DNAJC7: variants seen among roughly 807,000 people sequenced by gnomAD.
DNAJC7 encodes DnaJ heat shock protein family (Hsp40) member C7.
In DNAJC7, 18 loss-of-function variants were observed where a neutral mutation model predicts 67.4. That is an observed-to-expected ratio of 0.27 (90% CI 0.18 to 0.40). DNAJC7 has a LOEUF of 0.40. Ranked by LOEUF, DNAJC7 falls within the 10% of genes least tolerant of loss-of-function variation. DNAJC7 has a pLI of 1.00. For missense variants in DNAJC7, 419 were observed against 613.8 expected, an observed-to-expected ratio of 0.68 and a Z score of 3.35; for synonymous variants, 220 against 207.8, an observed-to-expected ratio of 1.06 and a Z score of -0.50.
At chr17:41,989,960 G>A (rs2051471898) in intron 6 of DNAJC7, among the ~76,000 whole-genome samples, 1 of 152,192 alleles carries the variant, frequency 6.6e-6, no homozygotes, top group Non-Finnish European at 1.5e-5. Flanking sequence ...GCTAAAATCT[G>A]GCCCTTTGCA....
In DNAJC7 at chr17:41,987,896, A is replaced by C; in HGVS notation, c.933T>G (p.Asp311Glu). The C allele has an allele frequency of 6.2e-7, 1 of 1,611,180 alleles. No homozygotes were observed. The highest frequency in any genetic ancestry group is 8.5e-7 in the Non-Finnish European group (1 of 1,178,768). ...GTVNSKLRKLDDAIEDCTNAV... is the reference protein window; with the variant it reads ...GTVNSKLRKLEDAIEDCTNAV... ...CATTTGTGCAGTCTTCTATTGCATC[A>C]TCTAGTTTCCTAAGCTTCAGGAGAG... The change falls in exon 9 of 14, where the codon GAT becomes GAG. Residue 311 changes from aspartate (D) to glutamate (E), a missense_variant. Physicochemically the swap from Asp to Glu is conservative, Grantham distance 45. Transcript: ENST00000457167.
At chr17:42,015,084 A>G (rs2052229234) in intron 1 of DNAJC7, 1 of 151,752 alleles carries the variant, frequency 6.6e-6, no homozygotes, top group East Asian at 1.9e-4. Context: ...AGTTCAAGCG[A>G]TTCTCCTGCC....
chr17:42,015,340 A>G (rs191612650), intron 1 of DNAJC7: 1 of 152,238 alleles, frequency 6.6e-6, no homozygotes, highest in East Asian at 1.9e-4. Context: ...ACTGCTATCA[A>G]ATACCATGTT....
intron 2 of DNAJC7, among the ~76,000 whole-genome samples, chr17:41,998,817 G>T (rs1004003340): frequency 2.6e-5 from 4 of 152,050 alleles, no homozygotes; most frequent in Non-Finnish European, 5.9e-5. Flanking sequence ...TATTTAGGTG[G>T]GTTTTGCCAT....
intron 6 of DNAJC7, 124 bp from the exon 7 acceptor site, chr17:41,989,681 G>T: frequency 7.8e-7 from 1 of 1,281,042 alleles, no homozygotes; most frequent in Non-Finnish European, 1.1e-6. Flanking sequence ...AAGGTAGACA[G>T]ATTCCCAAGA....
chr17:42,012,420 T>C (rs1400708743), intron 1 of DNAJC7, among the ~76,000 whole-genome samples: 1 of 152,158 alleles, frequency 6.6e-6, no homozygotes, highest in Non-Finnish European at 1.5e-5. Flanking sequence ...GAGGCGGAGT[T>C]TGCAGTGAGC....
chr17:41,976,917 T>C, intron 13 of DNAJC7, 147 bp from the exon 14 acceptor site: 1 of 1,006,902 alleles, frequency 9.9e-7, no homozygotes, highest in Non-Finnish European at 1.4e-6. Context: ...AGGCTGTTTT[T>C]GGGTGCAAGA....
chr17:42,001,181 G>C (rs2051798111), intron 1 of DNAJC7: 1 of 152,274 alleles, frequency 6.6e-6, no homozygotes, highest in African/African-American at 2.4e-5. Context: ...GTGGATGACA[G>C]GGACATATGA....
At chr17:42,005,409 T>G (rs1221104765) in intron 1 of DNAJC7, among the ~76,000 whole-genome samples, 1 of 152,212 alleles carries the variant, frequency 6.6e-6, no homozygotes, top group Non-Finnish European at 1.5e-5. Flanking sequence ...GTTGAACACT[T>G]AAGATCTCTG....
intron 5 of DNAJC7, 120 bp downstream of exon 5, chr17:41,994,750 G>A (rs781984136): frequency 3.3e-5 from 25 of 759,590 alleles, no homozygotes; most frequent in Admixed American, 2.2e-4. Context: ...CCTAATTTAA[G>A]TGATAATTTA....
chr17:41,993,302 A>G (rs1369006654), intron 5 of DNAJC7, among the ~76,000 whole-genome samples: 4 of 152,148 alleles, frequency 2.6e-5, no homozygotes, highest in South Asian at 4.1e-4. Context: ...TACTAAAAAC[A>G]CAAAAAATTA....
intron 1 of DNAJC7, chr17:42,016,118 T>C (rs139072054): frequency 2.6e-5 from 4 of 152,326 alleles, no homozygotes; most frequent in African/African-American, 9.6e-5. Flanking sequence ...GCTTCTCTGA[T>C]ATCCCAGGGG....
intron 1 of DNAJC7, among the ~76,000 whole-genome samples, chr17:42,012,580 T>C (rs1423962938): frequency 1.3e-5 from 2 of 152,196 alleles, no homozygotes; most frequent in African/African-American, 2.4e-5. Context: ...TAACAAGAGA[T>C]CCTTAATTCA....
At chr17:41,999,693 G>A (rs149103504) in intron 2 of DNAJC7, among the ~76,000 whole-genome samples, 1 of 151,918 alleles carries the variant, frequency 6.6e-6, no homozygotes, top group East Asian at 1.9e-4. Flanking sequence ...GCAAATTTTT[G>A]TATTTTGTAG....
intron 1 of DNAJC7, chr17:42,013,201 G>A (rs2052166424): frequency 6.6e-6 from 1 of 152,186 alleles, no homozygotes; most frequent in South Asian, 2.1e-4. Flanking sequence ...GCCTCACAAA[G>A]TGCTAAGATT....
intron 5 of DNAJC7, among the ~76,000 whole-genome samples, 151 bp from the exon 6 acceptor site, chr17:41,990,533 C>A (rs573314305): frequency 6.6e-6 from 1 of 152,242 alleles, no homozygotes; most frequent in South Asian, 2.1e-4. Context: ...ATACCTAATT[C>A]ATTAAATAAA....
chr17:42,017,124 T>A, intron 1 of DNAJC7: 3 of 1,458,580 alleles, frequency 2.1e-6, no homozygotes, highest in Non-Finnish European at 2.7e-6. Flanking sequence ...AACAAGGCCA[T>A]GCCTCAGCTC....
At position 41,981,943 on chromosome 17, in the gene DNAJC7, T is replaced by C; in HGVS notation, c.1296A>G (p.Gly432=). The stretch of plus-strand genomic sequence containing the variant: ...GATCAGAGAGGATAGTAAAGGCCTC[T>C]CCAACTTCCTTGAACTTCTTCTCCT... ...KEEEKKFKEV[G]EAFTILSDPK... Residue 432 remains glycine (G), a synonymous_variant, in exon 12 of 14, where the codon GGA becomes GGG. Transcript: ENST00000457167. 1 of 1,614,024 alleles carries C rather than the reference T, an allele frequency of 6.2e-7. No homozygotes were observed. Among genetic ancestry groups the C allele is most frequent in the Non-Finnish European group, 8.5e-7 (1 of 1,179,888 alleles).
At chr17:42,002,525 T>C (rs1555649610) in intron 1 of DNAJC7, among the ~76,000 whole-genome samples, 1 of 152,206 alleles carries the variant, frequency 6.6e-6, no homozygotes, top group Non-Finnish European at 1.5e-5. Flanking sequence ...GGACAGTTAC[T>C]AATAACTACT....
Sources: gnomAD v4.1 joint callset for allele counts (sites outside exome capture counted in the v4.1 genomes callset) on GRCh38, gnomAD v4.1.1 for gene constraint, MANE v1.5 for transcripts, NCBI Gene and HGNC (gene_info 2026-07-23, HGNC 2026-07-21) for gene names.